Variants in BICC1 observed in about 807,000 individuals in gnomAD.
The protein encoded by BICC1 is protein bicaudal C homolog 1.
A neutral mutation model predicts 111.0 loss-of-function variants in BICC1; 43 were observed. The observed-to-expected ratio is 0.39, with a 90% CI of 0.30 to 0.50. The LOEUF is 0.50. Among genes scored for constraint, BICC1 ranks in the 20% least tolerant of loss-of-function variants. The pLI, the probability that BICC1 is intolerant of heterozygous loss-of-function variation, is 0.88. For missense variants in BICC1, 1,091 were observed against 1,203.2 expected (o/e 0.91, Z 1.38); for synonymous variants, 467 against 434.4 (o/e 1.07, Z -0.93).
chr10:58,669,543 TG>T (rs1052416291), intron 2 of BICC1, among the ~76,000 whole-genome samples: 21 of 152,232 alleles, frequency 1.4e-4, no homozygotes, highest in African/African-American at 4.6e-4. Context: ...GGTGTTTTTA[TG>T]TACAAACTAT....
At chr10:58,823,750 C>T (rs1018992022) in intron 20 of BICC1, 21 of 984,968 alleles carry the variant, frequency 2.1e-5, no homozygotes, top group African/African-American at 3.5e-5. Context: ...AAATGGAGGC[C>T]GAAGATAGTC....
At chr10:58,715,540 C>T (rs1449258123) in intron 3 of BICC1, 4 of 1,461,496 alleles carry the variant, frequency 2.7e-6, no homozygotes, top group Non-Finnish European at 3.8e-6. Context: ...CCACTGTGTG[C>T]TCAGTCCAGC....
intron 20 of BICC1, among the ~76,000 whole-genome samples, chr10:58,826,995 T>C (rs1440694450): frequency 6.6e-6 from 1 of 152,232 alleles, no homozygotes; most frequent in Non-Finnish European, 1.5e-5. Context: ...ATTGATACTT[T>C]TTCCCTGAAG....
intron 17 of BICC1, among the ~76,000 whole-genome samples, chr10:58,812,482 C>CTT (rs113293082): frequency 3.5e-5 from 5 of 142,060 alleles, no homozygotes; most frequent in African/African-American, 1.3e-4. Context: ...CTTTTCTTTT[C>CTT]TTTTTTTTTT....
intron 3 of BICC1, among the ~76,000 whole-genome samples, chr10:58,722,947 A>G (rs758060435): frequency 1.3e-4 from 20 of 152,182 alleles, no homozygotes; most frequent in Non-Finnish European, 2.6e-4. Flanking sequence ...ACAGGTGTTA[A>G]GGCTGTGGTT....
intron 2 of BICC1, among the ~76,000 whole-genome samples, chr10:58,700,212 G>T (rs1248405890): frequency 2.0e-5 from 3 of 152,112 alleles, no homozygotes; most frequent in Non-Finnish European, 4.4e-5. Context: ...AATTGTGGTT[G>T]GGTTGGTGTG....
At chr10:58,770,444 G>A (rs896723101) in intron 3 of BICC1, among the ~76,000 whole-genome samples, 1 of 151,998 alleles carries the variant, frequency 6.6e-6, no homozygotes, top group African/African-American at 2.4e-5. Context: ...CTCCTTAAAA[G>A]TGAGGGAAAA....
chr10:58,597,135 TAA>T (rs1844842391), intron 1 of BICC1, among the ~76,000 whole-genome samples: 1 of 152,102 alleles, frequency 6.6e-6, no homozygotes, highest in African/African-American at 2.4e-5. Flanking sequence ...GGCTGAGAAA[TAA>T]AGACAGTACA....
At chr10:58,756,191 C>G (rs1175345806) in intron 3 of BICC1, among the ~76,000 whole-genome samples, 1 of 151,920 alleles carries the variant, frequency 6.6e-6, no homozygotes, top group African/African-American at 2.4e-5. Flanking sequence ...AAAAAATACT[C>G]CCTTTCGTAT....
intron 2 of BICC1, among the ~76,000 whole-genome samples, chr10:58,651,225 G>T (rs1052928520): frequency 1.3e-5 from 2 of 152,188 alleles, no homozygotes; most frequent in African/African-American, 4.8e-5. Flanking sequence ...TGCACAGTGA[G>T]ATGGGTTGTC....
chr10:58,812,508 T>G (rs1843942648), intron 17 of BICC1, among the ~76,000 whole-genome samples: 1 of 151,038 alleles, frequency 6.6e-6, no homozygotes, highest in Non-Finnish European at 1.5e-5. Flanking sequence ...AGACAGAGTC[T>G]CACTCTGTTG....
At chr10:58,613,932 T>C (rs551289129) in intron 1 of BICC1, among the ~76,000 whole-genome samples, 1 of 152,338 alleles carries the variant, frequency 6.6e-6, no homozygotes, top group South Asian at 2.1e-4. Context: ...GTGTCAGCTT[T>C]TCTGGGTCTG....
chr10:58,518,365 A>C (rs942445181), intron 1 of BICC1, among the ~76,000 whole-genome samples: 1 of 152,040 alleles, frequency 6.6e-6, no homozygotes. Context: ...TGGGGATAAT[A>C]ATAGTCCTAC....
At chr10:58,622,500 GT>G (rs1056719389) in intron 2 of BICC1, among the ~76,000 whole-genome samples, 10 of 152,200 alleles carry the variant, frequency 6.6e-5, no homozygotes, top group African/African-American at 2.4e-4. Context: ...ACATGTGTGC[GT>G]CCCACAGACT....
intron 2 of BICC1, among the ~76,000 whole-genome samples, chr10:58,643,263 C>T (rs973510606): frequency 6.6e-6 from 1 of 152,174 alleles, no homozygotes; most frequent in East Asian, 1.9e-4. Context: ...AATACTCTTG[C>T]TTATGTGACA....
intron 1 of BICC1, among the ~76,000 whole-genome samples, chr10:58,520,597 G>A (rs539207399): frequency 8.5e-5 from 13 of 152,266 alleles, no homozygotes; most frequent in South Asian, 6.2e-4. Context: ...CCCTGTTATA[G>A]TGAGAATGAT....
intron 1 of BICC1, among the ~76,000 whole-genome samples, chr10:58,603,486 C>T (rs1845108461): frequency 6.6e-6 from 1 of 152,108 alleles, no homozygotes; most frequent in Non-Finnish European, 1.5e-5. Flanking sequence ...TGATTTTTCT[C>T]GTGAGCACCC....
At chr10:58,816,272 A>T (rs1004815639) in intron 18 of BICC1, among the ~76,000 whole-genome samples, 3 of 152,098 alleles carry the variant, frequency 2.0e-5, no homozygotes, top group African/African-American at 7.2e-5. Context: ...CCGGTACCTC[A>T]ATAGTCACTC....
chr10:58,697,546 G>T (rs545006390), intron 2 of BICC1, among the ~76,000 whole-genome samples: 1 of 152,096 alleles, frequency 6.6e-6, no homozygotes, highest in Admixed American at 6.6e-5. Context: ...CTTCTCAGCG[G>T]TTTTGTAGCT....
Sources: allele counts gnomAD v4.1 joint callset (sites outside exome capture counted in the v4.1 genomes callset), GRCh38; gene constraint gnomAD v4.1.1; transcripts MANE v1.5; gene names NCBI Gene and HGNC (gene_info 2026-07-23, HGNC 2026-07-21).